MAST1: variants seen among roughly 807,000 people sequenced by gnomAD.
The protein encoded by MAST1 is microtubule-associated serine/threonine-protein kinase 1.
In MAST1, 40 loss-of-function variants were observed where a neutral mutation model predicts 124.6. The observed-to-expected ratio is 0.32, with a 90% CI of 0.25 to 0.42. The LOEUF is 0.42. MAST1 is among the 10% of genes least tolerant of loss of function. The pLI is 1.00. For missense variants in MAST1, 1,558 were observed against 2,181.9 expected (o/e 0.71, Z 5.70); for synonymous variants, 938 against 939.4 (o/e 1.00, Z 0.03).
chr19:12,847,555 G>A lies in MAST1; in HGVS notation c.489-57G>A. 3.1e-6 allele frequency: 5 copies of A among 1,613,334 alleles called. No homozygotes were observed. The highest frequency in any genetic ancestry group is 4.2e-6 in the Non-Finnish European group (5 of 1,179,496). ...TAAAAGGGTTACATCTTGGGGCGGG[G>A]GCTCTCTGCGGGCTTGGAGGCAGAG... On this transcript the variant is annotated intron_variant, in intron 5 of 25. Transcript: ENST00000251472. The surrounding 1 kb of genome is among the most constrained non-coding windows in gnomAD (Gnocchi z 5.5).
At chr19:12,846,974 G>A (rs1351612804) in intron 4 of MAST1, among the ~76,000 whole-genome samples, 1 of 152,002 alleles carries the variant, frequency 6.6e-6, no homozygotes, top group Non-Finnish European at 1.5e-5. Context: ...GCAGGATGAG[G>A]CAGGACCTTG....
intron 20 of MAST1, among the ~76,000 whole-genome samples, chr19:12,868,284 T>C (rs1218546738): frequency 6.6e-6 from 1 of 151,606 alleles, no homozygotes; most frequent in Non-Finnish European, 1.5e-5. Flanking sequence ...AATTTTTGTA[T>C]TTTTAGTAGA....
chr19:12,853,514 C>T (rs1166863537), intron 10 of MAST1, among the ~76,000 whole-genome samples: 1 of 151,844 alleles, frequency 6.6e-6, no homozygotes, highest in Admixed American at 6.6e-5. Context: ...CATGATCACA[C>T]CACTGCACTC....
chr19:12,867,106 T>C (rs1482263373), intron 18 of MAST1, among the ~76,000 whole-genome samples: 2 of 152,122 alleles, frequency 1.3e-5, no homozygotes, highest in Non-Finnish European at 2.9e-5. Context: ...TTTATTTATT[T>C]TTATTTTTTC....
intron 24 of MAST1, 72 bp from the exon 25 acceptor site, chr19:12,873,252 G>A: frequency 6.8e-7 from 1 of 1,476,666 alleles, no homozygotes; most frequent in East Asian, 2.3e-5. Context: ...CCGTTGTGAG[G>A]CCGTGAAATG....
chr19:12,872,752 G>A (rs1970252297), intron 24 of MAST1: 1 of 152,950 alleles, frequency 6.5e-6, no homozygotes, highest in Admixed American at 6.5e-5. Context: ...AATTAGCTGG[G>A]AGTGGTGGCT....
At chr19:12,868,923 C>T in intron 21 of MAST1, 74 bp downstream of exon 21, 2 of 1,548,486 alleles carry the variant, frequency 1.3e-6, no homozygotes, top group East Asian at 2.3e-5. Context: ...GAAAATGCTG[C>T]ATTTTCCCTG....
chr19:12,867,828 G>A lies in MAST1; in HGVS notation c.2417G>A (p.Arg806His). 1.3e-6 allele frequency: 2 copies of A among 1,596,544 alleles called. No individual in the cohort carries two copies. Among genetic ancestry groups the A allele is most frequent in the Admixed American group, 1.8e-5 (1 of 56,962 alleles). Residue 806 changes from arginine to histidine, a missense_variant, in exon 20 of 26, where the codon CGC becomes CAC. Coordinates refer to ENST00000251472, the MANE Select transcript of MAST1 (RefSeq NM_014975.3). ...RRFSALLEPS[R>H]FSAPQEDEDE... ...TTCTCGGCGCTGCTGGAGCCCAGCC[G>A]CTTCAGCGCCCCCCAAGAGGACGAG...
chr19:12,846,776 G>C (rs1347768273), intron 4 of MAST1, among the ~76,000 whole-genome samples: 1 of 150,104 alleles, frequency 6.7e-6, no homozygotes, highest in African/African-American at 2.5e-5. Flanking sequence ...TACTTAGGAG[G>C]CTGAGTCAGG....
rs768545896 is a variant in MAST1 at position 12,874,522 on chromosome 19, G to C, written c.4365G>C (p.Ala1455=). 14 of 1,525,848 alleles carry C rather than the reference G, an allele frequency of 9.2e-6. No homozygotes were observed. Among genetic ancestry groups the C allele is most frequent in the Middle Eastern group, 1.8e-4 (1 of 5,710 alleles). 94.5% of individuals were successfully genotyped at this position (1,525,848 alleles called of 1,614,324 possible). The change falls in exon 26 of 26, where the codon GCG becomes GCC. Residue 1455 remains alanine, a synonymous_variant. Coordinates refer to ENST00000251472, the MANE Select transcript of MAST1 (RefSeq NM_014975.3). This position sits in a 1 kb window ranked among gnomAD's most constrained non-coding sequence, Gnocchi z 6.6. The part of the protein sequence containing the change: ...AKAVVPQPLG[A]DSKGLQEPAP... ...CTGTGGTGCCTCAGCCTCTGGGCGC[G>C]GACTCCAAGGGGTTGCAGGAACCCG... is the stretch of plus-strand genomic sequence containing the variant.
At chr19:12,871,199 C>T in intron 24 of MAST1, 27 bp downstream of exon 24, 1 of 1,613,254 alleles carries the variant, frequency 6.2e-7, no homozygotes, top group Non-Finnish European at 8.5e-7. Context: ...ACAGCCTGGT[C>T]TTTGAGCAGT....
chr19:12,865,310 C>G lies in MAST1; in HGVS notation c.1639-6C>G. On this transcript the variant is annotated splice_region_variant and splice_polypyrimidine_tract_variant and intron_variant, in intron 14 of 25. Transcript: ENST00000251472. This position sits in a 1 kb window ranked among gnomAD's most constrained non-coding sequence, Gnocchi z 7.1. ...GCTGGGGCGTGGGCTGACAGCCTGC[C>G]CCCAGGTGTGTGGGACCCCAGAGTA... 1 of 1,586,208 alleles carries G rather than the reference C, an allele frequency of 6.3e-7. No individual in the cohort carries two copies. Among genetic ancestry groups the G allele is most frequent in the Non-Finnish European group, 8.6e-7 (1 of 1,166,486 alleles).
intron 20 of MAST1, 100 bp downstream of exon 20, chr19:12,868,077 A>T: frequency 8.5e-7 from 1 of 1,177,082 alleles, no homozygotes; most frequent in Non-Finnish European, 1.1e-6. Flanking sequence ...GAAAGATCTC[A>T]GGTCCTATTC....
intron 24 of MAST1, among the ~76,000 whole-genome samples, chr19:12,871,418 C>T (rs1970232484): frequency 6.6e-6 from 1 of 151,964 alleles, no homozygotes; most frequent in East Asian, 1.9e-4. Context: ...ACCAGCCTGG[C>T]CAATATGGTG....
chr19:12,865,581 C>G lies in MAST1; in HGVS notation c.1804+100C>G. 6.7e-7 allele frequency: 1 copy of G among 1,498,332 alleles called. No individual in the cohort carries two copies. Among genetic ancestry groups the G allele is most frequent in the South Asian group, 1.3e-5 (1 of 76,546 alleles). The allele number at this position is 1,498,332 out of a possible 1,614,324, so 92.8% of individuals were successfully genotyped here. ...TTTCAAAAGCGACCCCCCAGAGGAT[C>G]GCTTGCACTCAGGAGGTCAAGGCTG... On this transcript the variant is annotated intron_variant, in intron 15 of 25. Transcript: ENST00000251472. The surrounding 1 kb of genome is among the most constrained non-coding windows in gnomAD (Gnocchi z 7.1).
chr19:12,844,435 T>A (rs1030223570), intron 4 of MAST1, among the ~76,000 whole-genome samples: 2 of 152,072 alleles, frequency 1.3e-5, no homozygotes, highest in Non-Finnish European at 2.9e-5. Flanking sequence ...GCAGCCCTCA[T>A]GGGGGAAGAC....
intron 10 of MAST1, among the ~76,000 whole-genome samples, chr19:12,855,535 T>A (rs763201341): frequency 6.6e-6 from 1 of 152,202 alleles, no homozygotes; most frequent in Admixed American, 6.5e-5. Flanking sequence ...TCCTGTGATA[T>A]TGGGTACCTG....
At chr19:12,858,006 C>CA (rs539497049) in intron 10 of MAST1, among the ~76,000 whole-genome samples, 4,152 of 49,378 alleles carry the variant, frequency 0.084, 1,060 homozygotes, top group Non-Finnish European at 0.13. Flanking sequence ...GAACCTATCT[C>CA]AAAAAAAAAA....
chr19:12,869,323 C>CA, intron 22 of MAST1, 28 bp downstream of exon 22: 1 of 1,584,790 alleles, frequency 6.3e-7, no homozygotes, highest in Non-Finnish European at 8.6e-7. Context: ...GAGTCTCCAT[C>CA]ACAGAGTGGA....
Sources: allele counts gnomAD v4.1 joint callset (sites outside exome capture counted in the v4.1 genomes callset), GRCh38; gene constraint gnomAD v4.1.1; non-coding constraint Gnocchi (gnomAD v3.1); transcripts MANE v1.5; gene names NCBI Gene and HGNC (gene_info 2026-07-23, HGNC 2026-07-21).